SYNE2: variants seen among roughly 807,000 people sequenced by gnomAD.
SYNE2 encodes the protein nesprin-2.
A neutral mutation model predicts 856.3 loss-of-function variants in SYNE2; 431 were observed. The ratio of observed to expected loss-of-function variants is 0.50; its 90% CI spans 0.47 to 0.55. The LOEUF is 0.55. SYNE2 is among the 20% of genes least tolerant of loss of function. SYNE2 has a pLI of 0.00. For missense variants in SYNE2, 8,129 were observed against 8,023.2 expected, an observed-to-expected ratio of 1.01 and a Z score of -0.50; for synonymous variants, 2,923 against 2,872.3, an observed-to-expected ratio of 1.02 and a Z score of -0.56.
At chr14:63,948,760 G>GTA (rs548858862) in intron 6 of SYNE2, among the ~76,000 whole-genome samples, 15 of 54,952 alleles carry the variant, frequency 2.7e-4, no homozygotes, top group Admixed American at 2.3e-4. Flanking sequence ...GTATATATAT[G>GTA]TATATATATG....
At chr14:64,017,342 A>AAG (rs2096900901) in intron 33 of SYNE2, among the ~76,000 whole-genome samples, 1 of 151,346 alleles carries the variant, frequency 6.6e-6, no homozygotes, top group African/African-American at 2.4e-5. Context: ...AAAAAAAAAA[A>AAG]AAAAAAAAAA....
At chr14:64,034,344 A>G in intron 45 of SYNE2, 2 of 385,764 alleles carry the variant, frequency 5.2e-6, no homozygotes, top group Non-Finnish European at 9.2e-6. Flanking sequence ...AAAATCTAAC[A>G]CTAATTAAAT....
chr14:63,968,653 T>C (rs1238972230), intron 11 of SYNE2, among the ~76,000 whole-genome samples: 1 of 152,228 alleles, frequency 6.6e-6, no homozygotes, highest in Admixed American at 6.5e-5. Context: ...TCTGCAGTCA[T>C]TGGGTATAAT....
At chr14:63,885,928 T>C (rs752897705) in intron 1 of SYNE2, among the ~76,000 whole-genome samples, 17 of 152,212 alleles carry the variant, frequency 1.1e-4, no homozygotes, top group Non-Finnish European at 2.1e-4. Flanking sequence ...GAATTCTTAA[T>C]TGAAGCTGAG....
chr14:63,986,496 G>A lies in SYNE2; in HGVS notation c.2192G>A (p.Gly731Glu), dbSNP rs1222477731. ...GAAAAAGAAAATGAAGAATTCACAGGGCAACTAAAAGTGGCTAAAGATGTT... is the reference window on the plus strand; with the variant it reads ...GAAAAAGAAAATGAAGAATTCACAGAGCAACTAAAAGTGGCTAAAGATGTT... ...KHEKENEEFT[G>E]QLKVAKDVEK... The change falls in exon 19 of 116, where the codon GGG (glycine) becomes GAG (glutamate). Residue 731 changes from glycine to glutamate, a missense_variant. By Grantham distance (98) the Gly-to-Glu change is moderately conservative. Transcript: ENST00000555002. 1.9e-6 allele frequency: 3 copies of A among 1,613,908 alleles called. No individual in the cohort carries two copies. The highest frequency in any genetic ancestry group is 2.5e-6 in the Non-Finnish European group (3 of 1,180,018).
chr14:64,142,045 C>G lies in SYNE2; in HGVS notation c.15263C>G (p.Pro5088Arg), dbSNP rs779934215. Residue 5088 changes from proline (P) to arginine (R), a missense_variant, in exon 82 of 116, where the codon CCA (proline) becomes CGA (arginine). Coordinates refer to ENST00000555002, the MANE Select transcript of SYNE2 (RefSeq NM_182914.3). The stretch of plus-strand genomic sequence containing the variant: ...TCAGATGAAGACTCCGTGCATTCAC[C>G]AAGTTCTGCATCTCAAGTTAAACAT... ...QTSDEDSVHS[P>R]SSASQVKHLL... 1.1e-5 allele frequency: 17 copies of G among 1,613,944 alleles called. No individual in the cohort carries two copies. The highest frequency in any genetic ancestry group is 1.3e-5 in the Non-Finnish European group (15 of 1,179,986).
intron 1 of SYNE2, among the ~76,000 whole-genome samples, chr14:63,894,791 C>G (rs1426511464): frequency 6.6e-6 from 1 of 152,204 alleles, no homozygotes; most frequent in Non-Finnish European, 1.5e-5. Flanking sequence ...CTCCATTACT[C>G]TGTTCCATAC....
At chr14:64,181,849 T>C (rs1371219636) in intron 96 of SYNE2, among the ~76,000 whole-genome samples, 1 of 152,230 alleles carries the variant, frequency 6.6e-6, no homozygotes, top group Non-Finnish European at 1.5e-5. Context: ...TTCACTATTA[T>C]GAAAATTGCT....
At chr14:63,913,837 T>TTTTTTAAATTTAATTTAATTTTAAC (rs2095503561) in intron 2 of SYNE2, among the ~76,000 whole-genome samples, 2 of 145,722 alleles carry the variant, frequency 1.4e-5, no homozygotes, top group African/African-American at 5.1e-5. Flanking sequence ...CTGTTTAAAA[T>TTTTTTAAATTTAATTTAATTTTAAC]TTTTTAAATT....
intron 21 of SYNE2, among the ~76,000 whole-genome samples, chr14:63,991,522 A>T (rs1478996694): frequency 2.0e-5 from 3 of 152,238 alleles, no homozygotes; most frequent in Non-Finnish European, 2.9e-5. Flanking sequence ...ATGTAAAAAA[A>T]ACCATTATTA....
rs1163133799 is a variant in SYNE2 at position 64,071,724 on chromosome 14, T to G, written c.10697+814T>G. On this transcript the variant is annotated intron_variant, in intron 52 of 115. Transcript: ENST00000555002. ...TGCCATTAAATGTTCTTTTAAAATGTAACTAGCTGTGGCCGGGCATGGTGG... is the reference window on the plus strand; with the variant it reads ...TGCCATTAAATGTTCTTTTAAAATGGAACTAGCTGTGGCCGGGCATGGTGG... Among the ~76,000 whole-genome samples the G allele has an allele frequency of 1.3e-5, 2 of 152,150 alleles. 1 individual carries two copies. The highest frequency in any genetic ancestry group is 2.9e-5 in the Non-Finnish European group (2 of 68,006).
intron 57 of SYNE2, among the ~76,000 whole-genome samples, chr14:64,082,114 G>A (rs2097529013): frequency 1.3e-5 from 2 of 151,968 alleles, no homozygotes; most frequent in African/African-American, 4.8e-5. Flanking sequence ...GCATAGGATA[G>A]TGCTGATGGT....
intron 1 of SYNE2, among the ~76,000 whole-genome samples, chr14:63,902,474 A>G (rs984478662): frequency 4.0e-5 from 6 of 151,798 alleles, no homozygotes; most frequent in African/African-American, 1.5e-4. Flanking sequence ...GCTTTGTTAC[A>G]TAATTGTGGT....
intron 94 of SYNE2, chr14:64,174,013 A>G (rs763780772): frequency 1.6e-6 from 1 of 637,432 alleles, no homozygotes; most frequent in South Asian, 1.7e-5. Flanking sequence ...CGGAGCTGTA[A>G]CACCGCCACT....
chr14:63,857,069 G>A (rs1301003799), intron 1 of SYNE2, among the ~76,000 whole-genome samples: 2 of 152,116 alleles, frequency 1.3e-5, no homozygotes, highest in Non-Finnish European at 2.9e-5. Flanking sequence ...CCTTGGCCTC[G>A]TGTTTACATT....
chr14:64,162,026 G>A (rs777559173), intron 87 of SYNE2, 46 bp from the exon 88 acceptor site: 1 of 1,609,808 alleles, frequency 6.2e-7, no homozygotes, highest in Non-Finnish European at 8.5e-7. Context: ...TTCGCTACAA[G>A]AGAAAGGAGA....
intron 66 of SYNE2, among the ~76,000 whole-genome samples, chr14:64,115,393 G>T (rs1344140832): frequency 6.6e-6 from 1 of 152,074 alleles, no homozygotes; most frequent in Non-Finnish European, 1.5e-5. Flanking sequence ...GGAAGGCAAG[G>T]GAACTCCCAG....
In SYNE2 at chr14:63,918,716, A is replaced by G. The variant is rs113257943; in HGVS notation, c.79+9489A>G. 6.1e-3 allele frequency among the ~76,000 whole-genome samples: 924 copies of G among 152,286 alleles called. 7 individuals carry two copies. The highest frequency in any genetic ancestry group is 0.021 in the African/African-American group (857 of 41,556). On this transcript the variant is annotated intron_variant, in intron 2 of 115. Coordinates refer to ENST00000555002, the MANE Select transcript of SYNE2 (RefSeq NM_182914.3). ...CACTGGTCGGGCACTGGATTTTTCC[A>G]TCTTTACTGCACAGGGGATTTCATC...
intron 93 of SYNE2, among the ~76,000 whole-genome samples, chr14:64,169,265 A>G (rs890232873): frequency 2.6e-5 from 4 of 152,180 alleles, no homozygotes; most frequent in Non-Finnish European, 4.4e-5. Context: ...TGTGCCCCCA[A>G]ATGATTCTTC....
Sources: gnomAD v4.1 joint callset for allele counts (sites outside exome capture counted in the v4.1 genomes callset) on GRCh38, gnomAD v4.1.1 for gene constraint, MANE v1.5 for transcripts, NCBI Gene and HGNC (gene_info 2026-07-23, HGNC 2026-07-21) for gene names.